CDH18: variants seen among roughly 807,000 people sequenced by gnomAD.
CDH18 encodes the protein cadherin-18.
Under a neutral mutation model 67.9 loss-of-function variants are expected in CDH18, and 31 were observed. The observed-to-expected ratio is 0.46, with a 90% CI of 0.34 to 0.62. The LOEUF (loss-of-function observed/expected upper bound fraction) is 0.62. Among genes scored for constraint, CDH18 ranks in the 20% least tolerant of loss-of-function variants. The probability of loss-of-function intolerance (pLI) is 0.01; values close to 1 mark genes in which losing one functional copy is unlikely to be tolerated. For missense variants in CDH18, 890 were observed against 975.5 expected, an observed-to-expected ratio of 0.91 and a Z score of 1.17; for synonymous variants, 362 against 347.2, an observed-to-expected ratio of 1.04 and a Z score of -0.48.
intron 6 of CDH18, among the ~76,000 whole-genome samples, chr5:19,604,864 A>G (rs1653411774): frequency 6.6e-6 from 1 of 151,856 alleles, no homozygotes; most frequent in Non-Finnish European, 1.5e-5. Flanking sequence ...TTTTCTCTCA[A>G]GTATTATAGT....
chr5:19,903,541 G>GTGTATATATATATA (rs374931710), intron 2 of CDH18, among the ~76,000 whole-genome samples: 22 of 124,758 alleles, frequency 1.8e-4, no homozygotes, highest in African/African-American at 2.8e-4. Flanking sequence ...GTGTGTGTGT[G>GTGTATATATATATA]TATATATATA....
chr5:19,647,527 C>CAAAAAAAAAAAAA lies in CDH18; in HGVS notation c.644-34939_644-34927dup, dbSNP rs3062888. 4.2e-4 allele frequency among the ~76,000 whole-genome samples: 12 copies of CAAAAAAAAAAAAA among 28,810 alleles called. 1 individual carries two copies. Among genetic ancestry groups the CAAAAAAAAAAAAA allele is most frequent in the African/African-American group, 1.1e-3 (8 of 7,486 alleles). 18.9% of individuals were successfully genotyped at this position (28,810 alleles called of 152,430 possible). A position where few individuals can be genotyped will look rare whatever the true frequency, so the allele number is the denominator to read the frequency against. On this transcript the variant is annotated intron_variant, in intron 5 of 12. Transcript: ENST00000382275. Reference sequence around the variant, plus strand: ...CCCAGGTGACAGAGCGAGACTCCATCAAAAAAAAAAAAAAAAAAAAAAAAA... The same window carrying CAAAAAAAAAAAAA: ...CCCAGGTGACAGAGCGAGACTCCATCAAAAAAAAAAAAAAAAAAAAAAAAAAAAAAAAAAAAAA...
intron 9 of CDH18, among the ~76,000 whole-genome samples, chr5:19,531,611 A>T (rs1580048322): frequency 1.7e-5 from 1 of 57,634 alleles, no homozygotes; most frequent in Admixed American, 1.8e-4. Context: ...GTGTGTTCTC[A>T]CACACACACA....
At chr5:20,035,065 C>T (rs1739731819) in intron 2 of CDH18, among the ~76,000 whole-genome samples, 1 of 151,968 alleles carries the variant, frequency 6.6e-6, no homozygotes, top group South Asian at 2.1e-4. Flanking sequence ...TCTGTCTCAG[C>T]AATTAGGTGA....
intron 1 of CDH18, among the ~76,000 whole-genome samples, chr5:20,434,224 A>G (rs1189947727): frequency 6.6e-6 from 1 of 152,062 alleles, no homozygotes; most frequent in African/African-American, 2.4e-5. Flanking sequence ...AATGTTCAAT[A>G]AATAAGGTTA....
At chr5:20,504,446 C>T (rs576287156) in intron 1 of CDH18, among the ~76,000 whole-genome samples, 2 of 152,272 alleles carry the variant, frequency 1.3e-5, no homozygotes, top group South Asian at 4.1e-4. Context: ...ATTATTAAAA[C>T]AAAACTGTAC....
intron 2 of CDH18, among the ~76,000 whole-genome samples, chr5:19,909,248 T>C (rs1790858222): frequency 6.6e-6 from 1 of 151,594 alleles, no homozygotes; most frequent in Non-Finnish European, 1.5e-5. Context: ...AACAGCTCTA[T>C]AGAGAGGTTG....
At chr5:20,225,641 C>T (rs1741565824) in intron 2 of CDH18, among the ~76,000 whole-genome samples, 2 of 152,096 alleles carry the variant, frequency 1.3e-5, no homozygotes, top group African/African-American at 2.4e-5. Context: ...GTTGGCTTCT[C>T]TTCTGGAGAA....
chr5:20,546,177 C>T (rs892153335), intron 1 of CDH18, among the ~76,000 whole-genome samples: 2 of 152,124 alleles, frequency 1.3e-5, no homozygotes, highest in African/African-American at 4.8e-5. Flanking sequence ...GCCTGGACTT[C>T]CTTTTCCATG....
At chr5:19,842,438 C>T (rs1182305086) in intron 2 of CDH18, among the ~76,000 whole-genome samples, 1 of 152,176 alleles carries the variant, frequency 6.6e-6, no homozygotes, top group African/African-American at 2.4e-5. Flanking sequence ...TCCCTTCACT[C>T]TGCACTTCTC....
At chr5:19,634,027 T>C (rs62351283) in intron 5 of CDH18, among the ~76,000 whole-genome samples, 8,797 of 152,276 alleles carry the variant, frequency 0.058, 288 homozygotes, top group Non-Finnish European at 0.074. Context: ...TTTGGAAACA[T>C]TGGCCATCTA....
intron 7 of CDH18, among the ~76,000 whole-genome samples, chr5:19,588,026 G>A (rs1167750097): frequency 6.6e-6 from 1 of 151,828 alleles, no homozygotes; most frequent in Non-Finnish European, 1.5e-5. Context: ...CATATCGCTA[G>A]GTATTTTACT....
Position 19,795,742 on chromosome 5 carries a change from T to A in CDH18, c.228+43017A>T, listed in dbSNP as rs184092671. Among the ~76,000 whole-genome samples the A allele has an allele frequency of 1.7e-3, 257 of 151,946 alleles. 1 individual carries two copies. Among genetic ancestry groups the A allele is most frequent in the African/African-American group, 6.0e-3 (250 of 41,454 alleles). On this transcript the variant is annotated intron_variant, in intron 3 of 12. Transcript: ENST00000382275. ...AAATTGTAACTTAAATGAAAAAAAATAATCAATTGATGTCAACACCGCAAT... is the reference window on the plus strand; with the variant it reads ...AAATTGTAACTTAAATGAAAAAAAAAAATCAATTGATGTCAACACCGCAAT...
intron 2 of CDH18, among the ~76,000 whole-genome samples, chr5:20,119,903 T>C (rs1488933310): frequency 6.6e-6 from 1 of 151,950 alleles, no homozygotes; most frequent in African/African-American, 2.4e-5. Flanking sequence ...AGCAATATAT[T>C]TTATTTAGAA....
In CDH18 at chr5:19,639,001, T is replaced by TTTGTTTG. The variant is rs1554066472; in HGVS notation, c.644-26401_644-26400insCAAACAA. Among the ~76,000 whole-genome samples, 58 of 88,224 alleles carry TTTGTTTG rather than the reference T, an allele frequency of 6.6e-4. 2 individuals carry two copies. The highest frequency in any genetic ancestry group is 1.9e-3 in the African/African-American group (55 of 28,864). 57.9% of individuals were successfully genotyped at this position (88,224 alleles called of 152,430 possible). On this transcript the variant is annotated intron_variant, in intron 5 of 12. Coordinates refer to ENST00000382275, the MANE Select transcript of CDH18 (RefSeq NM_004934.5). ...TGTTTTTTTTTTTTTTTTTTTTTTT[T>TTTGTTTG]TTTGTTTGTTTTTTCTTTTTTGAGA...
chr5:20,169,792 T>G (rs913527657), intron 2 of CDH18, among the ~76,000 whole-genome samples: 4 of 152,106 alleles, frequency 2.6e-5, no homozygotes, highest in African/African-American at 7.2e-5. Context: ...GAGAAAAAAA[T>G]GTAATGAATG....
At chr5:20,076,720 CTT>C (rs1474565396) in intron 2 of CDH18, among the ~76,000 whole-genome samples, 1 of 152,032 alleles carries the variant, frequency 6.6e-6, no homozygotes, top group Non-Finnish European at 1.5e-5. Flanking sequence ...GCATTTCTGT[CTT>C]TGTTCTACCT....
chr5:19,773,150 G>A (rs2149746950), intron 3 of CDH18, among the ~76,000 whole-genome samples: 1 of 152,144 alleles, frequency 6.6e-6, no homozygotes. Flanking sequence ...ATAGTGAACA[G>A]TTACTAAGAA....
intron 1 of CDH18, among the ~76,000 whole-genome samples, chr5:20,296,830 G>A (rs146762029): frequency 6.6e-6 from 1 of 151,692 alleles, no homozygotes; most frequent in Non-Finnish European, 1.5e-5. Context: ...ATATTACTAT[G>A]ATATTTCGAT....
Sources: allele counts gnomAD v4.1 joint callset (sites outside exome capture counted in the v4.1 genomes callset), GRCh38; gene constraint gnomAD v4.1.1; transcripts MANE v1.5; gene names NCBI Gene and HGNC (gene_info 2026-07-23, HGNC 2026-07-21).